C9orf72: variants seen among roughly 807,000 people sequenced by gnomAD.
The protein encoded by C9orf72 is C9orf72-SMCR8 complex subunit.
Under a neutral mutation model 51.6 loss-of-function variants are expected in C9orf72, and 44 were observed. The ratio of observed to expected loss-of-function variants is 0.85; its 90% CI spans 0.67 to 1.10. The LOEUF is 1.10. C9orf72 is among the 50% of genes least tolerant of loss of function. The pLI is 0.00. For missense variants in C9orf72, 607 were observed against 570.6 expected (o/e 1.06, Z -0.65); for synonymous variants, 213 against 194.2 (o/e 1.10, Z -0.81).
At position 27,547,920 on chromosome 9, in the gene C9orf72, G is replaced by C. The variant is rs1362355287; in HGVS notation, c.*316C>G. 1 of 176,308 alleles carries C rather than the reference G, an allele frequency of 5.7e-6. No homozygotes were observed. 10.9% of individuals were successfully genotyped at this position (176,308 alleles called of 1,614,324 possible). ...TTGACACATGTAAACCATGAATCATGTATTTCAAAAAAACAGTAGTTGTGG... is the reference window on the plus strand; with the variant it reads ...TTGACACATGTAAACCATGAATCATCTATTTCAAAAAAACAGTAGTTGTGG... On this transcript the variant is annotated 3_prime_UTR_variant, in exon 11 of 11. Coordinates refer to ENST00000380003, the MANE Select transcript of C9orf72 (RefSeq NM_018325.5).
intron 3 of C9orf72, among the ~76,000 whole-genome samples, chr9:27,563,690 C>T (rs568174749): frequency 6.6e-6 from 1 of 152,168 alleles, no homozygotes; most frequent in South Asian, 2.1e-4. Flanking sequence ...TGTGATGCTA[C>T]TTCTGGAAGT....
intron 8 of C9orf72, 83 bp from the exon 9 acceptor site, chr9:27,550,790 C>A (rs1820890842): frequency 4.8e-6 from 3 of 619,012 alleles, no homozygotes; most frequent in African/African-American, 3.8e-5. Flanking sequence ...CAATCCCTCA[C>A]TTGAGCCAAC....
chr9:27,551,807 G>A (rs561475970), intron 8 of C9orf72, among the ~76,000 whole-genome samples: 2 of 152,240 alleles, frequency 1.3e-5, no homozygotes, highest in East Asian at 3.9e-4. Flanking sequence ...GATAAAGCAA[G>A]GTGTTAAAAA....
intron 3 of C9orf72, 52 bp downstream of exon 3, chr9:27,565,479 T>C (rs994126171): frequency 2.5e-6 from 3 of 1,219,940 alleles, no homozygotes; most frequent in Non-Finnish European, 2.4e-6. Context: ...ATCAACCTTA[T>C]ACAGATACAT....
intron 8 of C9orf72, among the ~76,000 whole-genome samples, chr9:27,553,663 T>C (rs1275129117): frequency 6.6e-6 from 1 of 152,132 alleles, no homozygotes; most frequent in Non-Finnish European, 1.5e-5. Flanking sequence ...ACAGATTTTA[T>C]GATGAAGACG....
chr9:27,563,336 T>A (rs534190237), intron 3 of C9orf72, among the ~76,000 whole-genome samples: 12 of 152,300 alleles, frequency 7.9e-5, no homozygotes, highest in Middle Eastern at 3.4e-3. Flanking sequence ...GTATAACACA[T>A]CACAAATGTA....
Position 27,548,667 on chromosome 9 carries a change from C to T in C9orf72, c.1150-1G>A. 1 of 1,558,878 alleles carries T rather than the reference C, an allele frequency of 6.4e-7. No individual in the cohort carries two copies. The highest frequency in any genetic ancestry group is 2.2e-5 in the East Asian group (1 of 44,574). ...ATAAGCCAGGTTTCAGCTGAAAGAC[C>T]TGCAGGGAGAGGAACCATTTCAACA... On this transcript the variant is annotated splice_acceptor_variant, in intron 9 of 10. Coordinates refer to ENST00000380003, the MANE Select transcript of C9orf72 (RefSeq NM_018325.5). LOFTEE classifies it high-confidence loss of function.
rs1466719398 is a variant in C9orf72, at chr9:27,560,151, C to A, written c.738+76G>T. The A allele has an allele frequency of 1.7e-5, 16 of 944,700 alleles. No homozygotes were observed. The Admixed American group carries it at 4.1e-4, about 24-fold the overall frequency. The allele number at this position is 944,700 out of a possible 1,614,324, so 58.5% of individuals were successfully genotyped here. On this transcript the variant is annotated intron_variant, in intron 6 of 10. Transcript: ENST00000380003. ...ACTAGATCATTTTAATTGCAACCTA[C>A]CATTTAAATGACAATCCATGATATA...
At chr9:27,556,515 T>C in intron 8 of C9orf72, 46 bp downstream of exon 8, 1 of 1,280,368 alleles carries the variant, frequency 7.8e-7, no homozygotes, top group Non-Finnish European at 1.1e-6. Context: ...AAAGACACAA[T>C]TTCATATTGC....
intron 1 of C9orf72, among the ~76,000 whole-genome samples, chr9:27,571,730 G>A (rs1360688285): frequency 3.3e-5 from 5 of 152,174 alleles, no homozygotes; most frequent in Non-Finnish European, 7.3e-5. Flanking sequence ...GGCATTACAG[G>A]TGTAAGCCAC....
intron 6 of C9orf72, 69 bp from the exon 7 acceptor site, chr9:27,558,676 T>A: frequency 1.3e-6 from 1 of 774,952 alleles, no homozygotes; most frequent in Non-Finnish European, 2.1e-6. Context: ...ATGAAAGATA[T>A]CTGAAATTTT....
At position 27,547,638 on chromosome 9, in the gene C9orf72, A is replaced by T. The variant is rs1820795154; in HGVS notation, c.*598T>A. ...AACAAGGACTATAGAGAACTATTAGACATTTCTACAGACTGAATCCCAGGG... is the reference window on the plus strand; with the variant it reads ...AACAAGGACTATAGAGAACTATTAGTCATTTCTACAGACTGAATCCCAGGG... On this transcript the variant is annotated 3_prime_UTR_variant, in exon 11 of 11. Coordinates refer to ENST00000380003, the MANE Select transcript of C9orf72 (RefSeq NM_018325.5). 6.6e-6 allele frequency: 1 copy of T among 152,618 alleles called. No individual in the cohort carries two copies. Among genetic ancestry groups the T allele is most frequent in the African/African-American group, 2.4e-5 (1 of 41,480 alleles). The allele number at this position is 152,618 out of a possible 1,614,324, so 9.5% of individuals were successfully genotyped here.
Position 27,548,212 on chromosome 9 carries a change from G to A in C9orf72, c.*24C>T. 1 of 1,569,552 alleles carries A rather than the reference G, an allele frequency of 6.4e-7. No homozygotes were observed. Among genetic ancestry groups the A allele is most frequent in the Non-Finnish European group, 8.7e-7 (1 of 1,147,532 alleles). Reference sequence around the variant, plus strand: ...TTTACCAGCGATCATGATTGTGATGGAATAGGCTTATTAAGTTACACATTT... The same window carrying A: ...TTTACCAGCGATCATGATTGTGATGAAATAGGCTTATTAAGTTACACATTT... On this transcript the variant is annotated 3_prime_UTR_variant, in exon 11 of 11. Transcript: ENST00000380003.
At chr9:27,559,606 G>GA (rs1819292398) in intron 6 of C9orf72, 1 of 152,050 alleles carries the variant, frequency 6.6e-6, no homozygotes, top group Non-Finnish European at 1.5e-5. Flanking sequence ...TGCTGAAATT[G>GA]AAAGATACAC....
Position 27,548,434 on chromosome 9 carries a change from G to GTA in C9orf72, c.1260-13_1260-12insTA. On this transcript the variant is annotated splice_polypyrimidine_tract_variant and intron_variant, in intron 10 of 10. Transcript: ENST00000380003. ...TTTTTCCCTTCTGCCTAAAAATAAT[G>GTA]GAAAAAAAAAAAAAAAAAAAAAAAA... 8 of 80,716 alleles carry GTA rather than the reference G, an allele frequency of 9.9e-5. No homozygotes were observed. The highest frequency in any genetic ancestry group is 1.5e-4 in the Non-Finnish European group (8 of 52,370). The allele number at this position is 80,716 out of a possible 1,614,324, so 5.0% of individuals were successfully genotyped here. A position where few individuals can be genotyped will look rare whatever the true frequency, so the allele number is the denominator to read the frequency against.
chr9:27,562,783 T>C lies in C9orf72; in HGVS notation c.505-307A>G, dbSNP rs547742871. ...TCCTCCCAGGTTCAAGTGACTCTCCTGTCTCATCCTCCCAAGTAGCTGGGA... is the reference window on the plus strand; with the variant it reads ...TCCTCCCAGGTTCAAGTGACTCTCCCGTCTCATCCTCCCAAGTAGCTGGGA... On this transcript the variant is annotated intron_variant, in intron 3 of 10. Coordinates refer to ENST00000380003, the MANE Select transcript of C9orf72 (RefSeq NM_018325.5). Among the ~76,000 whole-genome samples, 5 of 152,098 alleles carry C rather than the reference T, an allele frequency of 3.3e-5. No homozygotes were observed. The East Asian group carries it at 9.7e-4, about 29-fold the overall frequency.
rs555375314 is a variant in C9orf72, at chr9:27,564,997, C to T, written c.504+534G>A. Among the ~76,000 whole-genome samples the T allele has an allele frequency of 1.6e-3, 251 of 152,234 alleles. 2 individuals carry two copies. The highest frequency in any genetic ancestry group is 5.8e-3 in the African/African-American group (243 of 41,540). On this transcript the variant is annotated intron_variant, in intron 3 of 10. Coordinates refer to ENST00000380003, the MANE Select transcript of C9orf72 (RefSeq NM_018325.5). ...TCAAAGCCAAGGGATAAACATGGCA[C>T]ATTTTCCTAGAGGAGAGGGTAAGAA...
chr9:27,548,580 T>C lies in C9orf72; in HGVS notation c.1236A>G (p.Leu412=), dbSNP rs1369864936. ...LLVLHRKALT[L]IKYIEDDTQK... is the part of the protein sequence containing the mutation. ...ACGTATCGTCTTCTATATATTTTAT[T>C]AGTGTCAAGGCTTTTCTGTGAAGGA... The change falls in exon 10 of 11, where the codon CTA becomes CTG. Residue 412 remains leucine (L), a synonymous_variant. Transcript: ENST00000380003. The C allele has an allele frequency of 6.2e-7, 1 of 1,600,780 alleles. No homozygotes were observed. Among genetic ancestry groups the C allele is most frequent in the East Asian group, 2.2e-5 (1 of 44,808 alleles).
At position 27,566,806 on chromosome 9, in the gene C9orf72, C is replaced by T. The variant is rs934129552; in HGVS notation, c.315G>A (p.Gly105=). The part of the protein sequence containing the change: ...VSLIFDGNWN[G]DRSTYGLSII... ...TTGATAGTCCATATGTGCTGCGATC[C>T]CCATTCCAGTTTCCATCAAAGATTA... Residue 105 remains glycine (G), a synonymous_variant, in exon 2 of 11, where the codon GGG becomes GGA. Transcript: ENST00000380003. 9 of 1,613,886 alleles carry T rather than the reference C, an allele frequency of 5.6e-6. No individual in the cohort carries two copies. The highest frequency in any genetic ancestry group is 7.6e-6 in the Non-Finnish European group (9 of 1,179,868).
Sources: allele counts gnomAD v4.1 joint callset (sites outside exome capture counted in the v4.1 genomes callset), GRCh38; gene constraint gnomAD v4.1.1; transcripts MANE v1.5; gene names NCBI Gene and HGNC (gene_info 2026-07-23, HGNC 2026-07-21).